Variants in ZZEF1 observed in about 807,000 individuals in gnomAD.
The protein encoded by ZZEF1 is zinc finger ZZ-type and EF-hand domain containing 1.
Under a neutral mutation model 342.8 loss-of-function variants are expected in ZZEF1, and 157 were observed. That is an observed-to-expected ratio of 0.46 (90% CI 0.40 to 0.52). The LOEUF (loss-of-function observed/expected upper bound fraction) is 0.52, where lower values mean the gene tolerates loss of function less well. ZZEF1 is among the 20% of genes least tolerant of loss of function. The probability of loss-of-function intolerance (pLI) is 0.00; values close to 1 mark genes in which losing one functional copy is unlikely to be tolerated. For synonymous variants in ZZEF1, 1,505 were observed against 1,429.1 expected (o/e 1.05, Z -1.20); for missense variants, 3,480 against 3,725.6 (o/e 0.93, Z 1.72).
intron 1 of ZZEF1, among the ~76,000 whole-genome samples, chr17:4,131,177 A>C (rs7220006): frequency 0.15 from 23,533 of 152,024 alleles, 2,006 homozygotes; most frequent in African/African-American, 0.22. Flanking sequence ...AAGACAGGAG[A>C]AGAATGGGAT....
intron 30 of ZZEF1, among the ~76,000 whole-genome samples, chr17:4,061,027 C>T (rs967438305): frequency 5.3e-5 from 8 of 152,222 alleles, no homozygotes; most frequent in African/African-American, 7.2e-5. Context: ...AAAACTTCCC[C>T]GTTTCTCTGC....
At chr17:4,007,474 G>T (rs966873369) in intron 54 of ZZEF1, among the ~76,000 whole-genome samples, 1 of 152,100 alleles carries the variant, frequency 6.6e-6, no homozygotes, top group African/African-American at 2.4e-5. Context: ...AGGGAGAAAC[G>T]TCAGGACACT....
At chr17:4,079,232 G>A (rs751471394) in intron 18 of ZZEF1, among the ~76,000 whole-genome samples, 4 of 152,172 alleles carry the variant, frequency 2.6e-5, no homozygotes, top group East Asian at 1.9e-4. Flanking sequence ...CACTCCTCAC[G>A]TGCGGGGCAG....
chr17:4,036,706 G>A (rs2056671198), intron 39 of ZZEF1, among the ~76,000 whole-genome samples: 1 of 150,306 alleles, frequency 6.7e-6, no homozygotes, highest in Non-Finnish European at 1.5e-5. Context: ...ACACCAGCCT[G>A]GGCGACAAGA....
intron 24 of ZZEF1, 146 bp from the exon 25 acceptor site, chr17:4,072,902 A>T (rs2057538748): frequency 1.3e-6 from 1 of 796,438 alleles, no homozygotes; most frequent in South Asian, 2.1e-5. Context: ...TGTAATTGTG[A>T]TACTTTGTAA....
intron 11 of ZZEF1, among the ~76,000 whole-genome samples, chr17:4,092,184 T>C (rs981227186): frequency 6.6e-6 from 1 of 151,848 alleles, no homozygotes; most frequent in African/African-American, 2.4e-5. Flanking sequence ...CTGTGATATA[T>C]AGCCACCAAG....
intron 2 of ZZEF1, among the ~76,000 whole-genome samples, chr17:4,123,564 A>C (rs1173737518): frequency 2.0e-5 from 3 of 152,080 alleles, no homozygotes; most frequent in Non-Finnish European, 2.9e-5. Context: ...ATAATTGAAT[A>C]ATGAATTGAT....
At chr17:4,087,743 A>G (rs945236518) in intron 13 of ZZEF1, among the ~76,000 whole-genome samples, 2 of 151,536 alleles carry the variant, frequency 1.3e-5, no homozygotes, top group African/African-American at 4.9e-5. Flanking sequence ...TGTGTGTTAT[A>G]TGTATGTATG....
At chr17:4,010,808 T>C (rs1014150691) in intron 52 of ZZEF1, among the ~76,000 whole-genome samples, 4 of 150,496 alleles carry the variant, frequency 2.7e-5, no homozygotes, top group Middle Eastern at 3.2e-3. Context: ...AACCTGCATA[T>C]ACAGCATTTT....
intron 1 of ZZEF1, among the ~76,000 whole-genome samples, chr17:4,136,027 G>A (rs1158463476): frequency 1.6e-5 from 2 of 124,970 alleles, no homozygotes; most frequent in Non-Finnish European, 3.2e-5. Context: ...ACGGTGTCTC[G>A]CTGTTGCCAG....
chr17:4,125,054 A>C (rs2058552135), intron 1 of ZZEF1, among the ~76,000 whole-genome samples: 1 of 152,232 alleles, frequency 6.6e-6, no homozygotes, highest in South Asian at 2.1e-4. Context: ...AGAGCCCAGT[A>C]CAGTGAAAAG....
chr17:4,087,783 AACACACACACACACACACACAC>A (rs10522603), intron 13 of ZZEF1, among the ~76,000 whole-genome samples: 40 of 145,802 alleles, frequency 2.7e-4, no homozygotes, highest in Admixed American at 6.8e-4. Context: ...ATATACACAC[AACACACACACACACACACACAC>A]ACACACACAC....
At chr17:4,007,658 G>A (rs1458589349) in intron 54 of ZZEF1, among the ~76,000 whole-genome samples, 1 of 152,182 alleles carries the variant, frequency 6.6e-6, no homozygotes, top group Non-Finnish European at 1.5e-5. Flanking sequence ...AACCTGGGGT[G>A]GCGGCGGCAA....
In ZZEF1 at chr17:4,088,884, C is replaced by T. The variant is rs1196264503; in HGVS notation, c.2035G>A (p.Val679Met). 1 of 1,613,938 alleles carries T rather than the reference C, an allele frequency of 6.2e-7. No homozygotes were observed. Among genetic ancestry groups the T allele is most frequent in the African/African-American group, 1.3e-5 (1 of 75,004 alleles). The stretch of plus-strand genomic sequence containing the variant: ...TCCTGACGGGTGCAGAGGAACTTCA[C>T]CATCAAATACTGGACAGGACAAGAG... ...QQCRVAKYLM[V>M]KFLCTRQESA... Residue 679 changes from valine to methionine, a missense_variant, in exon 13 of 55, where the codon GTG (valine) becomes ATG (methionine). Around this residue, in one of 5 missense-constraint regions of ZZEF1, gnomAD observed 1,528 missense variants for 1,624.1 expected, o/e 0.94. Transcript: ENST00000381638.
At position 4,032,878 on chromosome 17, in the gene ZZEF1, G is replaced by A. The variant is rs1358301654; in HGVS notation, c.6709C>T (p.Leu2237=). The A allele has an allele frequency of 2.5e-6, 4 of 1,614,198 alleles. No homozygotes were observed. Among genetic ancestry groups the A allele is most frequent in the Non-Finnish European group, 3.4e-6 (4 of 1,180,034 alleles). ...AGGGTGAAGATGTTGGTGTGCTTCA[G>A]CTGGAATGGCAGCTGCTTGATGCAG... is the stretch of plus-strand genomic sequence containing the variant. ...DHCIKQLPFQ[L]KHTNIFTLLV... The change falls in exon 41 of 55, where the codon CTG becomes TTG. Residue 2237 remains leucine, a synonymous_variant. Transcript: ENST00000381638.
intron 1 of ZZEF1, among the ~76,000 whole-genome samples, chr17:4,135,213 C>T (rs2058729452): frequency 6.6e-6 from 1 of 152,172 alleles, no homozygotes; most frequent in South Asian, 2.1e-4. Flanking sequence ...CGTTGGCTTA[C>T]GCCTGTAATC....
chr17:4,120,173 A>G (rs1369682636), intron 2 of ZZEF1, among the ~76,000 whole-genome samples: 2 of 152,140 alleles, frequency 1.3e-5, no homozygotes, highest in Non-Finnish European at 2.9e-5. Context: ...CCTGGCCAAC[A>G]TGATGAAACC....
At chr17:4,124,387 A>C (rs11651317) in intron 1 of ZZEF1, among the ~76,000 whole-genome samples, 1 of 152,166 alleles carries the variant, frequency 6.6e-6, no homozygotes, top group Non-Finnish European at 1.5e-5. Flanking sequence ...AACTGGTTGC[A>C]AAGTGCCAGA....
At chr17:4,085,911 C>T (rs1351241937) in intron 15 of ZZEF1, 108 bp from the exon 16 acceptor site, 26 of 1,393,750 alleles carry the variant, frequency 1.9e-5, no homozygotes, top group Non-Finnish European at 2.3e-5. Context: ...TACTTAATAC[C>T]AGAGTGAAGA....
Sources: allele counts gnomAD v4.1 joint callset (sites outside exome capture counted in the v4.1 genomes callset), GRCh38; gene constraint gnomAD v4.1.1; regional missense constraint gnomAD v4.1.1; transcripts MANE v1.5; gene names NCBI Gene and HGNC (gene_info 2026-07-23, HGNC 2026-07-21).